The following PCDH15 variants were observed in gnomAD, a reference collection of about 807,000 sequenced individuals.
PCDH15 encodes the protein protocadherin-15.
PCDH15 carries 129 observed loss-of-function variants against 178.5 expected under a neutral mutation model. The observed-to-expected ratio is 0.72, with a 90% confidence interval of 0.63 to 0.84. The LOEUF (loss-of-function observed/expected upper bound fraction) is 0.84. PCDH15 is among the 40% of genes least tolerant of loss of function. PCDH15 has a pLI of 0.00. For missense variants in PCDH15, 2,230 were observed against 2,099.9 expected (o/e 1.06, Z -1.21); for synonymous variants, 800 against 732.0 (o/e 1.09, Z -1.50).
At chr10:55,047,039 G>C (rs952628696) in intron 2 of PCDH15, among the ~76,000 whole-genome samples, 1 of 151,766 alleles carries the variant, frequency 6.6e-6, no homozygotes, top group Non-Finnish European at 1.5e-5. Flanking sequence ...TTACATTCTA[G>C]ACAGTCTCAT....
chr10:55,049,981 A>G (rs1044701490), intron 2 of PCDH15, among the ~76,000 whole-genome samples: 1 of 151,978 alleles, frequency 6.6e-6, no homozygotes, highest in Non-Finnish European at 1.5e-5. Flanking sequence ...TTTTGAATGT[A>G]TATTTTGCAA....
chr10:55,301,446 GTTTTT>G lies in PCDH15; in HGVS notation c.-156+18148_-156+18152del, dbSNP rs112932848. ...TGTATTTTTGCCCCATTTTCTAATT[GTTTTT>G]TTTTTCTTTTTTAAAGTTGCACATT... is the stretch of plus-strand genomic sequence containing the variant. On this transcript the variant is annotated intron_variant, in intron 1 of 5. Transcript: ENST00000458638. Among the ~76,000 whole-genome samples the G allele has an allele frequency of 3.3e-5, 5 of 150,624 alleles. No individual in the cohort carries two copies. The South Asian group carries it at 1.0e-3, about 31-fold the overall frequency.
intron 26 of PCDH15, among the ~76,000 whole-genome samples, chr10:53,885,863 T>G (rs1056573570): frequency 6.6e-6 from 1 of 152,160 alleles, no homozygotes; most frequent in African/African-American, 2.4e-5. Flanking sequence ...GAGGAATCTA[T>G]TATGTTGTAT....
At chr10:54,911,952 A>C (rs956253358) in intron 2 of PCDH15, among the ~76,000 whole-genome samples, 1 of 152,220 alleles carries the variant, frequency 6.6e-6, no homozygotes, top group Non-Finnish European at 1.5e-5. Flanking sequence ...GTAGAAAAGA[A>C]CTAATACAAA....
At chr10:54,113,110 A>G (rs889284238) in intron 15 of PCDH15, among the ~76,000 whole-genome samples, 1 of 152,190 alleles carries the variant, frequency 6.6e-6, no homozygotes, top group African/African-American at 2.4e-5. Flanking sequence ...CCAGGGAAAA[A>G]GAGAATTTCC....
intron 2 of PCDH15, among the ~76,000 whole-genome samples, chr10:55,529,362 T>A (rs1281109145): frequency 1.3e-5 from 2 of 151,916 alleles, no homozygotes; most frequent in African/African-American, 4.8e-5. Flanking sequence ...TGGGTTTAGG[T>A]CTAATATTTA....
intron 2 of PCDH15, among the ~76,000 whole-genome samples, chr10:55,419,925 A>C (rs904136953): frequency 1.3e-5 from 2 of 151,766 alleles, no homozygotes; most frequent in African/African-American, 4.8e-5. Context: ...AACGGAGGTC[A>C]AAACAAATCT....
chr10:54,831,264 A>G (rs1564548714), intron 3 of PCDH15, among the ~76,000 whole-genome samples: 1 of 152,104 alleles, frequency 6.6e-6, no homozygotes, highest in Non-Finnish European at 1.5e-5. Flanking sequence ...TTTTTGTGAT[A>G]TTCATGGGAA....
At chr10:54,127,323 T>C (rs926354658) in intron 15 of PCDH15, among the ~76,000 whole-genome samples, 4 of 152,184 alleles carry the variant, frequency 2.6e-5, no homozygotes, top group African/African-American at 7.2e-5. Flanking sequence ...TGAATTTCTC[T>C]TGGGATGACC....
chr10:54,852,472 G>A (rs1456804451), intron 3 of PCDH15, among the ~76,000 whole-genome samples: 2 of 152,098 alleles, frequency 1.3e-5, no homozygotes, highest in Non-Finnish European at 2.9e-5. Context: ...TATAGAAAAG[G>A]TTTCCCAGAG....
At chr10:53,916,334 C>A (rs924501346) in intron 25 of PCDH15, among the ~76,000 whole-genome samples, 5 of 152,092 alleles carry the variant, frequency 3.3e-5, no homozygotes, top group Admixed American at 2.0e-4. Context: ...GTTTTGAATC[C>A]ATTTTAACAT....
chr10:53,822,313 G>T, intron 32 of PCDH15: 1 of 1,609,106 alleles, frequency 6.2e-7, no homozygotes, highest in South Asian at 1.1e-5. Flanking sequence ...GGTGTTGGGG[G>T]ACCAGACGTT....
intron 13 of PCDH15, among the ~76,000 whole-genome samples, chr10:54,158,158 C>G (rs943130821): frequency 6.6e-6 from 1 of 152,134 alleles, no homozygotes; most frequent in Admixed American, 6.6e-5. Context: ...TTCAGCATCA[C>G]CCCACTCTAC....
intron 1 of PCDH15, among the ~76,000 whole-genome samples, chr10:55,180,225 G>T (rs1839604289): frequency 6.6e-6 from 1 of 152,028 alleles, no homozygotes; most frequent in Non-Finnish European, 1.5e-5. Context: ...GAATCATGAA[G>T]TATCAAAAGC....
At chr10:54,601,592 G>C (rs1285897230) in intron 2 of PCDH15, among the ~76,000 whole-genome samples, 2 of 151,908 alleles carry the variant, frequency 1.3e-5, no homozygotes, top group East Asian at 1.9e-4. Flanking sequence ...ACTGTTGGTG[G>C]GAGTATAATT....
intron 26 of PCDH15, among the ~76,000 whole-genome samples, chr10:53,887,660 G>A (rs1008771160): frequency 1.3e-5 from 2 of 152,076 alleles, no homozygotes; most frequent in East Asian, 1.9e-4. Context: ...AGGCCGAGGC[G>A]GGCGGATCAC....
At chr10:54,698,908 T>G (rs1396883467) in intron 1 of PCDH15, among the ~76,000 whole-genome samples, 1 of 152,150 alleles carries the variant, frequency 6.6e-6, no homozygotes, top group Non-Finnish European at 1.5e-5. Flanking sequence ...TTGATAATGA[T>G]TATGACTTTT....
Position 54,380,705 on chromosome 10 carries a change from C to CATATATAT in PCDH15, c.158-1771_158-1764dup, listed in dbSNP as rs58171476. Among the ~76,000 whole-genome samples the CATATATAT allele has an allele frequency of 8.0e-4, 39 of 48,984 alleles. 1 individual carries two copies. Among genetic ancestry groups the CATATATAT allele is most frequent in the Non-Finnish European group, 1.0e-3 (29 of 28,276 alleles). The allele number at this position is 48,984 out of a possible 152,430, so 32.1% of individuals were successfully genotyped here. ...ATATATGCTCCATATATATATGCTC[C>CATATATAT]ATATATATATATATATATATATATA... On this transcript the variant is annotated intron_variant, in intron 3 of 37. Transcript: ENST00000644397.
chr10:54,116,707 C>A (rs2095119410), intron 15 of PCDH15, among the ~76,000 whole-genome samples: 1 of 152,094 alleles, frequency 6.6e-6, no homozygotes, highest in Admixed American at 6.6e-5. Context: ...CTAGTGAGGT[C>A]CAATAACCAG....
Sources: allele counts gnomAD v4.1 joint callset (sites outside exome capture counted in the v4.1 genomes callset), GRCh38; gene constraint gnomAD v4.1.1; transcripts MANE v1.5; gene names NCBI Gene and HGNC (gene_info 2026-07-23, HGNC 2026-07-21).